AKAP12: variants seen among roughly 807,000 people sequenced by gnomAD.
AKAP12 encodes A-kinase anchor protein 12.
AKAP12 carries 32 observed loss-of-function variants against 79.9 expected under a neutral mutation model. That is an observed-to-expected ratio of 0.40 (90% CI 0.30 to 0.54). The LOEUF (loss-of-function observed/expected upper bound fraction) is 0.54, where lower values mean the gene tolerates loss of function less well. Among genes scored for constraint, AKAP12 ranks in the 20% least tolerant of loss-of-function variants. The pLI, the probability that AKAP12 is intolerant of heterozygous loss-of-function variation, is 0.48. For missense variants in AKAP12, 2,074 were observed against 2,177.0 expected (o/e 0.95, Z 0.94); for synonymous variants, 808 against 857.0 (o/e 0.94, Z 1.00).
chr6:151,292,586 C>T (rs1482726511), intron 2 of AKAP12, among the ~76,000 whole-genome samples: 1 of 152,158 alleles, frequency 6.6e-6, no homozygotes, highest in Non-Finnish European at 1.5e-5. Flanking sequence ...ATAGTTTTTG[C>T]CGGATGAGGA....
chr6:151,332,847 T>G (rs1306941954), intron 3 of AKAP12, among the ~76,000 whole-genome samples: 2 of 152,214 alleles, frequency 1.3e-5, no homozygotes, highest in Admixed American at 6.5e-5. Context: ...TGGAATTGTT[T>G]CTGGCCGAAC....
At chr6:151,291,476 C>T (rs1268067389) in intron 2 of AKAP12, among the ~76,000 whole-genome samples, 2 of 152,112 alleles carry the variant, frequency 1.3e-5, no homozygotes, top group East Asian at 3.9e-4. Context: ...CATTGCCTGC[C>T]CCTTAGGAAT....
At chr6:151,276,622 C>G (rs574214847) in intron 2 of AKAP12, among the ~76,000 whole-genome samples, 1 of 152,368 alleles carries the variant, frequency 6.6e-6, no homozygotes, top group East Asian at 1.9e-4. Flanking sequence ...GTGGACGGAG[C>G]CTCCCTGAGC....
chr6:151,288,880 C>T (rs538559998), intron 2 of AKAP12, among the ~76,000 whole-genome samples: 6 of 152,312 alleles, frequency 3.9e-5, no homozygotes, highest in Admixed American at 3.3e-4. Flanking sequence ...TTAATGGCAT[C>T]GCTAGATGCG....
intron 2 of AKAP12, among the ~76,000 whole-genome samples, chr6:151,242,796 T>C (rs1420789492): frequency 2.6e-5 from 4 of 152,220 alleles, no homozygotes; most frequent in African/African-American, 2.4e-5. Context: ...ACACGCCTGG[T>C]TGTGCCGACC....
intron 3 of AKAP12, among the ~76,000 whole-genome samples, chr6:151,330,599 A>T (rs1324492663): frequency 6.6e-6 from 1 of 152,078 alleles, no homozygotes; most frequent in African/African-American, 2.4e-5. Context: ...AAAAATGAAC[A>T]TGTCGTTTCT....
intron 2 of AKAP12, among the ~76,000 whole-genome samples, chr6:151,273,003 G>A (rs1306035598): frequency 6.6e-6 from 1 of 152,184 alleles, no homozygotes; most frequent in Admixed American, 6.5e-5. Context: ...CGCTTCCCGG[G>A]TTCACACCAT....
At chr6:151,256,432 G>T (rs533160415) in intron 2 of AKAP12, among the ~76,000 whole-genome samples, 1 of 152,160 alleles carries the variant, frequency 6.6e-6, no homozygotes, top group Admixed American at 6.5e-5. Flanking sequence ...AGTAGGGTGT[G>T]ACTTCTGCAT....
Position 151,260,377 on chromosome 6 carries a change from G to C in AKAP12, c.162+19653G>C, listed in dbSNP as rs6905170. 3.9e-3 allele frequency among the ~76,000 whole-genome samples: 600 copies of C among 152,292 alleles called. 2 individuals are homozygous for C. Among genetic ancestry groups the C allele is most frequent in the Non-Finnish European group, 6.6e-3 (451 of 68,028 alleles). On this transcript the variant is annotated intron_variant, in intron 2 of 4. Transcript: ENST00000402676. ...CAGCTCTCAGACTTGGAGCTCATGG[G>C]TATGATGAGATCACTGCAGTGTGAC...
intron 2 of AKAP12, among the ~76,000 whole-genome samples, chr6:151,242,185 G>C (rs1796991512): frequency 6.6e-6 from 1 of 152,174 alleles, no homozygotes; most frequent in African/African-American, 2.4e-5. Flanking sequence ...TAATTTTAAG[G>C]TATAATTGCT....
chr6:151,273,948 G>T (rs1041807027), intron 2 of AKAP12, among the ~76,000 whole-genome samples: 1 of 152,034 alleles, frequency 6.6e-6, no homozygotes, highest in Non-Finnish European at 1.5e-5. Context: ...AGACTCGCAT[G>T]AACCCAGGAG....
chr6:151,316,076 A>C (rs1777226855), intron 3 of AKAP12, among the ~76,000 whole-genome samples: 1 of 152,232 alleles, frequency 6.6e-6, no homozygotes, highest in South Asian at 2.1e-4. Context: ...TATCATATAG[A>C]AAAGGATGCT....
intron 2 of AKAP12, among the ~76,000 whole-genome samples, chr6:151,246,745 T>C (rs1797082424): frequency 6.6e-6 from 1 of 152,230 alleles, no homozygotes; most frequent in Non-Finnish European, 1.5e-5. Flanking sequence ...ATTTTCATTT[T>C]CATTTAACTT....
chr6:151,305,754 A>AT lies in AKAP12; in HGVS notation c.170_171insT (p.Gln57HisfsTer14), dbSNP rs1776963629. ...GCTTTGTCTTTTCCATAGCTCCTAC[A>AT]GAAGAATGGTCAGCTGTCCACCATC... On this transcript the variant is annotated frameshift_variant, in exon 3 of 5. Transcript: ENST00000402676. LOFTEE classifies it high-confidence loss of function. The AT allele has an allele frequency of 6.2e-7, 1 of 1,610,466 alleles. No individual in the cohort carries two copies.
At chr6:151,291,030 A>T (rs1267182426) in intron 2 of AKAP12, among the ~76,000 whole-genome samples, 1 of 152,154 alleles carries the variant, frequency 6.6e-6, no homozygotes, top group African/African-American at 2.4e-5. Context: ...CTCTCTGCAC[A>T]TAAACGGAGC....
chr6:151,291,471 C>T (rs1408790885), intron 2 of AKAP12, among the ~76,000 whole-genome samples: 1 of 152,130 alleles, frequency 6.6e-6, no homozygotes, highest in African/African-American at 2.4e-5. Context: ...CTTACCATTG[C>T]CTGCCCCTTA....
intron 3 of AKAP12, among the ~76,000 whole-genome samples, chr6:151,312,647 C>T (rs1211450925): frequency 6.6e-6 from 1 of 152,010 alleles, no homozygotes; most frequent in Non-Finnish European, 1.5e-5. Context: ...AAAAAATTAG[C>T]CGGGCGTGGT....
At chr6:151,332,033 G>GTTGTTTTTTTTTTTT (rs1303327962) in intron 3 of AKAP12, among the ~76,000 whole-genome samples, 6 of 79,690 alleles carry the variant, frequency 7.5e-5, no homozygotes, top group African/African-American at 1.6e-4. Context: ...TTCTGGGTCT[G>GTTGTTTTTTTTTTTT]TTTTTTTTTT....
At chr6:151,246,515 C>T (rs1051072798) in intron 2 of AKAP12, among the ~76,000 whole-genome samples, 2 of 152,200 alleles carry the variant, frequency 1.3e-5, no homozygotes, top group Admixed American at 6.5e-5. Flanking sequence ...TGGAGATCAG[C>T]ACTCGTTTTC....
Sources: gnomAD v4.1 joint callset for allele counts (sites outside exome capture counted in the v4.1 genomes callset) on GRCh38, gnomAD v4.1.1 for gene constraint, MANE v1.5 for transcripts, NCBI Gene and HGNC (gene_info 2026-07-23, HGNC 2026-07-21) for gene names.